SUGCT: variants seen among roughly 807,000 people sequenced by gnomAD.
SUGCT encodes succinyl-CoA:glutarate CoA-transferase.
SUGCT carries 41 observed loss-of-function variants against 55.0 expected under a neutral mutation model. The ratio of observed to expected loss-of-function variants is 0.74; its 90% CI spans 0.58 to 0.97. The LOEUF is 0.97. SUGCT is among the 50% of genes least tolerant of loss of function. The pLI is 0.00. For missense variants in SUGCT, 568 were observed against 547.8 expected (o/e 1.04, Z -0.37); for synonymous variants, 187 against 200.4 (o/e 0.93, Z 0.56).
At chr7:40,932,176 T>A in the SUGCT span, among the ~76,000 whole-genome samples, 1 of 152,222 alleles carries the variant, frequency 6.6e-6, no homozygotes, top group African/African-American at 2.4e-5. Context: ...TTCATTTCGT[T>A]ATTTACCCAG....
At chr7:40,983,721 C>CT in the SUGCT span, among the ~76,000 whole-genome samples, 2 of 152,288 alleles carry the variant, frequency 1.3e-5, no homozygotes, top group African/African-American at 4.8e-5. Flanking sequence ...GATCTATGCT[C>CT]TGTCTATGAA....
intron 11 of SUGCT, among the ~76,000 whole-genome samples, chr7:40,476,549 C>T (rs1182042149): frequency 5.9e-5 from 9 of 152,080 alleles, no homozygotes; most frequent in Middle Eastern, 3.4e-3. Flanking sequence ...GTTTGCTTAA[C>T]GTTCTTTGTG....
chr7:40,516,655 A>G (rs1232751751), intron 12 of SUGCT, among the ~76,000 whole-genome samples: 1 of 152,082 alleles, frequency 6.6e-6, no homozygotes, highest in Non-Finnish European at 1.5e-5. Flanking sequence ...TTCACTATAA[A>G]TGTGAGGGTT....
chr7:40,532,649 AG>A (rs774765863), intron 12 of SUGCT, among the ~76,000 whole-genome samples: 1 of 151,912 alleles, frequency 6.6e-6, no homozygotes, highest in Admixed American at 6.6e-5. Context: ...TAGGTAAGCA[AG>A]CAAAAATTTT....
intron 12 of SUGCT, among the ~76,000 whole-genome samples, chr7:40,566,588 G>T (rs528630541): frequency 6.6e-6 from 1 of 152,246 alleles, no homozygotes; most frequent in East Asian, 1.9e-4. Context: ...CTACAAACCA[G>T]AACCAAGGAC....
At chr7:40,308,263 A>C (rs116563422) in intron 8 of SUGCT, among the ~76,000 whole-genome samples, 2,522 of 152,242 alleles carry the variant, frequency 0.017, 59 homozygotes, top group African/African-American at 0.058. Context: ...AAGGCTGAAC[A>C]GAGAGGAGTT....
At chr7:40,265,838 A>G (rs1379264572) in intron 7 of SUGCT, among the ~76,000 whole-genome samples, 1 of 152,040 alleles carries the variant, frequency 6.6e-6, no homozygotes, top group African/African-American at 2.4e-5. Flanking sequence ...GTAATCCCAG[A>G]TACTTGGGAG....
At chr7:40,468,031 A>G (rs1790215690) in intron 11 of SUGCT, among the ~76,000 whole-genome samples, 1 of 150,198 alleles carries the variant, frequency 6.7e-6, no homozygotes. Flanking sequence ...CTTTCAAGAG[A>G]CACTTGTTCT....
At chr7:40,695,743 G>A (rs966355894) in intron 12 of SUGCT, among the ~76,000 whole-genome samples, 12 of 152,058 alleles carry the variant, frequency 7.9e-5, no homozygotes, top group African/African-American at 2.4e-4. Context: ...AAGAATAATC[G>A]TTATGGGGGC....
the SUGCT span, among the ~76,000 whole-genome samples, chr7:40,898,904 TGAA>T: frequency 6.6e-6 from 1 of 152,028 alleles, no homozygotes; most frequent in Non-Finnish European, 1.5e-5. Flanking sequence ...CCTAGGTACA[TGAA>T]GAAGCTGTTC....
chr7:40,671,505 A>T (rs1562937810), intron 12 of SUGCT, among the ~76,000 whole-genome samples: 1 of 152,198 alleles, frequency 6.6e-6, no homozygotes, highest in East Asian at 1.9e-4. Flanking sequence ...CTAAAGATTG[A>T]GTTCAACAAG....
chr7:40,529,469 T>C lies in SUGCT; in HGVS notation c.1089+33083T>C, dbSNP rs190760538. On this transcript the variant is annotated intron_variant, in intron 12 of 13. Coordinates refer to ENST00000335693, the MANE Select transcript of SUGCT (RefSeq NM_001193313.2). ...ACCAACAGGTGCAGTGGCAATTCCG[T>C]GGTCATCAGGTGTGGGTACCGTTAA... Among the ~76,000 whole-genome samples, 7 of 152,320 alleles carry C rather than the reference T, an allele frequency of 4.6e-5. No homozygotes were observed. The East Asian group carries it at 7.7e-4, about 17-fold the overall frequency.
rs565879207 is a variant in SUGCT at position 40,644,003 on chromosome 7, C to T, written c.1090-105431C>T. On this transcript the variant is annotated intron_variant, in intron 12 of 13. Coordinates refer to ENST00000335693, the MANE Select transcript of SUGCT (RefSeq NM_001193313.2). ...GTGCGTCTGCCTCTGGAAAACCTGTCGTTTGGGATGGGTGCGGGAAGGTAG... is the reference window on the plus strand; with the variant it reads ...GTGCGTCTGCCTCTGGAAAACCTGTTGTTTGGGATGGGTGCGGGAAGGTAG... 3.3e-5 allele frequency among the ~76,000 whole-genome samples: 5 copies of T among 152,230 alleles called. No individual in the cohort carries two copies. The South Asian group carries it at 6.2e-4, about 19-fold the overall frequency.
At chr7:40,427,160 T>C (rs1787628801) in intron 9 of SUGCT, among the ~76,000 whole-genome samples, 1 of 152,146 alleles carries the variant, frequency 6.6e-6, no homozygotes, top group Non-Finnish European at 1.5e-5. Context: ...CCAGGAATTT[T>C]GAGCAGAGAG....
chr7:40,723,567 G>A (rs1786461604), intron 12 of SUGCT, among the ~76,000 whole-genome samples: 1 of 152,184 alleles, frequency 6.6e-6, no homozygotes, highest in Admixed American at 6.5e-5. Flanking sequence ...AAAGAAGAAT[G>A]AGGTTTACTT....
At chr7:40,818,402 A>AC (rs1407195819) in intron 13 of SUGCT, among the ~76,000 whole-genome samples, 2 of 152,088 alleles carry the variant, frequency 1.3e-5, no homozygotes, top group Non-Finnish European at 2.9e-5. Flanking sequence ...GTGTTGCCTC[A>AC]CCCCCCTGGG....
intron 12 of SUGCT, among the ~76,000 whole-genome samples, chr7:40,704,714 G>C (rs1469945564): frequency 1.3e-5 from 2 of 152,152 alleles, no homozygotes; most frequent in Non-Finnish European, 2.9e-5. Flanking sequence ...GAATAACAAC[G>C]ATGACAACAA....
rs375421662 is a variant in SUGCT, at chr7:40,752,334, T to C, written c.1153+2837T>C. Among the ~76,000 whole-genome samples the C allele has an allele frequency of 3.7e-3, 564 of 152,280 alleles. 2 individuals are homozygous for C. Among genetic ancestry groups the C allele is most frequent in the African/African-American group, 0.013 (554 of 41,550 alleles). On this transcript the variant is annotated intron_variant, in intron 13 of 13. Transcript: ENST00000335693. ...GGCAAACCCTTATGCCTGCATCTTA[T>C]TAGTCCAAGCAAATTTTATTTTTTA...
At chr7:40,977,056 T>C in the SUGCT span, among the ~76,000 whole-genome samples, 2 of 152,204 alleles carry the variant, frequency 1.3e-5, no homozygotes, top group African/African-American at 4.8e-5. Flanking sequence ...GGCTGATCCC[T>C]TTCAGAAAAT....
Sources: allele counts gnomAD v4.1 joint callset (sites outside exome capture counted in the v4.1 genomes callset), GRCh38; gene constraint gnomAD v4.1.1; transcripts MANE v1.5; gene names NCBI Gene and HGNC (gene_info 2026-07-23, HGNC 2026-07-21).